Variants in TNS1 observed in about 807,000 individuals in gnomAD.
TNS1 encodes tensin 1.
In TNS1, 62 loss-of-function variants were observed where a neutral mutation model predicts 168.6. The ratio of observed to expected loss-of-function variants is 0.37; its 90% CI spans 0.30 to 0.45. The LOEUF is 0.45. Ranked by LOEUF, TNS1 falls within the 20% of genes least tolerant of loss-of-function variation. TNS1 has a pLI of 1.00. For missense variants in TNS1, 2,240 were observed against 2,339.4 expected, an observed-to-expected ratio of 0.96 and a Z score of 0.88; for synonymous variants, 934 against 933.2, an observed-to-expected ratio of 1.00 and a Z score of -0.02.
chr2:218,002,974 TG>T lies in TNS1; in HGVS notation c.-103del. On this transcript the variant is annotated 5_prime_UTR_variant, in exon 1 of 33. An upstream open reading frame in the 5' UTR loses its in-frame stop. Transcript: ENST00000682258. Reference sequence around the variant, plus strand: ...CAGAAGGGCTCTCTGAGTCCGCGGCTGCTCCGGCTCCGCCAGCATCTGCTGG... The same window carrying T: ...CAGAAGGGCTCTCTGAGTCCGCGGCTCTCCGGCTCCGCCAGCATCTGCTGG... The T allele has an allele frequency of 2.2e-6, 1 of 454,692 alleles. No homozygotes were observed. The highest frequency in any genetic ancestry group is 4.4e-6 in the Non-Finnish European group (1 of 226,400). The allele number at this position is 454,692 out of a possible 1,614,324, so 28.2% of individuals were successfully genotyped here. A position where few individuals can be genotyped will look rare whatever the true frequency, so the allele number is the denominator to read the frequency against.
chr2:217,951,016 C>T (rs1957228259), intron 3 of TNS1, among the ~76,000 whole-genome samples: 1 of 152,146 alleles, frequency 6.6e-6, no homozygotes, highest in African/African-American at 2.4e-5. Context: ...GGAAACTTCC[C>T]TCCTGAGGAC....
chr2:217,830,298 C>T, intron 22 of TNS1: 2 of 1,604,290 alleles, frequency 1.2e-6, no homozygotes, highest in Non-Finnish European at 1.7e-6. Context: ...CATGCCGACA[C>T]TCTGAGTGGG....
chr2:217,867,940 G>T (rs1386855953), intron 18 of TNS1, among the ~76,000 whole-genome samples: 1 of 152,228 alleles, frequency 6.6e-6, no homozygotes, highest in African/African-American at 2.4e-5. Flanking sequence ...TATTTCTCAA[G>T]TTCTAACAGG....
intron 23 of TNS1, among the ~76,000 whole-genome samples, chr2:217,820,778 GT>G (rs1402966404): frequency 6.6e-6 from 1 of 151,960 alleles, no homozygotes; most frequent in East Asian, 1.9e-4. Context: ...CACTACCCCA[GT>G]CAAGCAGCTC....
Position 217,880,994 on chromosome 2 carries a change from C to T in TNS1, c.1333G>A (p.Gly445Arg), listed in dbSNP as rs138239490. The T allele has an allele frequency of 2.9e-5, 46 of 1,613,892 alleles. No individual in the cohort carries two copies. Among genetic ancestry groups the T allele is most frequent in the African/African-American group, 1.5e-4 (11 of 74,894 alleles). ...KIQGMEHLEN[G>R]PSVSVDYNTS... ...TTATAGTCCACAGACACGCTCGGCC[C>T]GTTCTCCAGGTGCTCCATGCCTAAG... The change falls in exon 18 of 33, where the codon GGG becomes AGG. Residue 445 changes from glycine to arginine, a missense_variant. This residue lies in a region of TNS1 where 2,131 missense variants were observed against 2,171.2 expected (regional missense o/e 0.98). Coordinates refer to ENST00000682258, the MANE Select transcript of TNS1 (RefSeq NM_001387777.1). This position sits in a 1 kb window ranked among gnomAD's most constrained non-coding sequence, Gnocchi z 4.2.
rs1937609520 is a variant in TNS1, at chr2:217,802,477, A to C, written c.*1982T>G. On this transcript the variant is annotated 3_prime_UTR_variant, in exon 33 of 33. Coordinates refer to ENST00000682258, the MANE Select transcript of TNS1 (RefSeq NM_001387777.1). The stretch of plus-strand genomic sequence containing the variant: ...TCCCCGCATGCTCACACACTCGCTC[A>C]GGCCTGCAGAGTCAGGGACAGCTCC... 1 of 152,288 alleles carries C rather than the reference A, an allele frequency of 6.6e-6. No individual in the cohort carries two copies. The highest frequency in any genetic ancestry group is 1.5e-5 in the Non-Finnish European group (1 of 68,090). The allele number at this position is 152,288 out of a possible 1,614,324, so 9.4% of individuals were successfully genotyped here.
chr2:217,808,825 A>G (rs1939775039), intron 30 of TNS1, among the ~76,000 whole-genome samples, 154 bp from the exon 31 acceptor site: 2 of 152,172 alleles, frequency 1.3e-5, no homozygotes, highest in South Asian at 4.1e-4. Context: ...TGAGCTGTTG[A>G]CACTGGTGAC....
intron 3 of TNS1, among the ~76,000 whole-genome samples, chr2:217,962,196 C>T (rs532399498): frequency 1.6e-4 from 25 of 152,216 alleles, no homozygotes; most frequent in African/African-American, 5.5e-4. Flanking sequence ...ATAATCCCAG[C>T]GCTTTGGGAT....
intron 13 of TNS1, 114 bp from the exon 14 acceptor site, chr2:217,886,218 G>T: frequency 8.9e-7 from 1 of 1,120,964 alleles, no homozygotes; most frequent in Non-Finnish European, 1.3e-6. Flanking sequence ...GGGAAGACGG[G>T]GTAGGAAGGG....
intron 19 of TNS1, among the ~76,000 whole-genome samples, chr2:217,843,176 G>A (rs78551585): frequency 0.035 from 5,282 of 150,398 alleles, 223 homozygotes; most frequent in African/African-American, 0.1. Context: ...AGCTCCCAAA[G>A]CTTGACATCA....
At chr2:217,814,671 G>A (rs921317411) in intron 25 of TNS1, among the ~76,000 whole-genome samples, 6 of 152,164 alleles carry the variant, frequency 3.9e-5, no homozygotes, top group African/African-American at 1.4e-4. Context: ...ACTTTGCCCA[G>A]GAAAACCAAG....
At chr2:217,912,503 G>A (rs931780807) in intron 4 of TNS1, among the ~76,000 whole-genome samples, 6 of 152,194 alleles carry the variant, frequency 3.9e-5, no homozygotes, top group African/African-American at 1.4e-4. Flanking sequence ...AATGAACTGC[G>A]AGGTCACCAT....
At chr2:217,954,979 C>T (rs778428200) in intron 3 of TNS1, among the ~76,000 whole-genome samples, 106 of 149,292 alleles carry the variant, frequency 7.1e-4, no homozygotes, top group Admixed American at 1.5e-3. Flanking sequence ...CGTGAATGTA[C>T]ACACACACAC....
intron 3 of TNS1, among the ~76,000 whole-genome samples, chr2:217,922,058 C>T (rs866259426): frequency 1.3e-5 from 2 of 152,156 alleles, no homozygotes; most frequent in African/African-American, 2.4e-5. Context: ...CCCAGAAGCC[C>T]GGGGTCCTTA....
intron 3 of TNS1, among the ~76,000 whole-genome samples, chr2:217,954,648 C>T (rs1957316770): frequency 6.6e-6 from 1 of 152,158 alleles, no homozygotes; most frequent in Non-Finnish European, 1.5e-5. Flanking sequence ...TTAGAGAGTC[C>T]AGTGCCAACT....
intron 6 of TNS1, chr2:217,903,566 C>G: frequency 6.5e-7 from 1 of 1,528,150 alleles, no homozygotes. Context: ...TTTCATCCAA[C>G]TCTCTAAACA....
At chr2:217,823,803 T>C (rs1205691923) in intron 22 of TNS1, among the ~76,000 whole-genome samples, 1 of 152,208 alleles carries the variant, frequency 6.6e-6, no homozygotes, top group African/African-American at 2.4e-5. Flanking sequence ...CACAAGGTGA[T>C]GTAGAACCAG....
chr2:218,031,063 AGT>A (rs1232912370), intron 1 of TNS1, among the ~76,000 whole-genome samples: 1 of 136,586 alleles, frequency 7.3e-6, no homozygotes, highest in Admixed American at 7.0e-5. Flanking sequence ...CATATGTGTG[AGT>A]GTATGTGTGT....
At chr2:217,899,043 G>A (rs894266447) in intron 7 of TNS1, among the ~76,000 whole-genome samples, 18 of 152,220 alleles carry the variant, frequency 1.2e-4, no homozygotes, top group African/African-American at 4.3e-4. Flanking sequence ...GTGGAGGGCA[G>A]CGAAAGGAAT....
Sources: gnomAD v4.1 joint callset for allele counts (sites outside exome capture counted in the v4.1 genomes callset) on GRCh38, gnomAD v4.1.1 for gene constraint, gnomAD v4.1.1 regional missense constraint, Gnocchi (gnomAD v3.1) non-coding constraint, MANE v1.5 for transcripts, NCBI Gene and HGNC (gene_info 2026-07-23, HGNC 2026-07-21) for gene names.